Variants in ADAMTSL3 observed in about 807,000 individuals in gnomAD.
The protein encoded by ADAMTSL3 is ADAMTS like 3, also known as ADAMTS-like protein 3.
A neutral mutation model predicts 201.7 loss-of-function variants in ADAMTSL3; 128 were observed. The ratio of observed to expected loss-of-function variants is 0.63; its 90% CI spans 0.55 to 0.73. ADAMTSL3 has a LOEUF of 0.73. ADAMTSL3 is among the 30% of genes least tolerant of loss of function. ADAMTSL3 has a pLI of 0.00. For missense variants in ADAMTSL3, 1,990 were observed against 2,119.6 expected, an observed-to-expected ratio of 0.94 and a Z score of 1.20; for synonymous variants, 738 against 748.4, an observed-to-expected ratio of 0.99 and a Z score of 0.23.
At chr15:83,755,685 T>G (rs916665071) in intron 3 of ADAMTSL3, among the ~76,000 whole-genome samples, 9 of 152,242 alleles carry the variant, frequency 5.9e-5, no homozygotes, top group African/African-American at 2.2e-4. Flanking sequence ...TTGGGTTGTC[T>G]TCTCCTTTAG....
chr15:83,720,029 G>C (rs999455381), intron 3 of ADAMTSL3, among the ~76,000 whole-genome samples: 1 of 152,176 alleles, frequency 6.6e-6, no homozygotes, highest in Admixed American at 6.5e-5. Flanking sequence ...AGACCAGACT[G>C]ACCAACATGG....
intron 25 of ADAMTSL3, among the ~76,000 whole-genome samples, chr15:84,019,997 GC>G (rs2068168235): frequency 6.6e-6 from 1 of 152,014 alleles, no homozygotes; most frequent in African/African-American, 2.4e-5. Flanking sequence ...ACGAGTTGCT[GC>G]CTGGGAGGGG....
At chr15:83,996,780 CAAAAA>C (rs35758954) in intron 23 of ADAMTSL3, among the ~76,000 whole-genome samples, 175 of 33,834 alleles carry the variant, frequency 5.2e-3, no homozygotes, top group African/African-American at 0.022. Flanking sequence ...GACTCTGCCT[CAAAAA>C]AAAAAAAAAA....
chr15:83,983,360 A>G lies in ADAMTSL3; in HGVS notation c.3716+16A>G. 6.9e-7 allele frequency: 1 copy of G among 1,453,516 alleles called. No homozygotes were observed. The highest frequency in any genetic ancestry group is 9.1e-7 in the Non-Finnish European group (1 of 1,095,452). 90.0% of individuals were successfully genotyped at this position (1,453,516 alleles called of 1,614,324 possible). ...CCTCAGTAAAGTAAGTAAAATAAAAATGCAGTATTCATTTTTGCACTACCT... is the reference window on the plus strand; with the variant it reads ...CCTCAGTAAAGTAAGTAAAATAAAAGTGCAGTATTCATTTTTGCACTACCT... On this transcript the variant is annotated intron_variant, in intron 21 of 29. Transcript: ENST00000286744.
intron 4 of ADAMTSL3, among the ~76,000 whole-genome samples, chr15:83,794,165 T>C (rs1309219635): frequency 6.6e-6 from 1 of 152,192 alleles, no homozygotes; most frequent in African/African-American, 2.4e-5. Context: ...CAAGAAATAC[T>C]GGCAAGGATG....
At chr15:83,859,663 C>G (rs1596323334) in intron 8 of ADAMTSL3, among the ~76,000 whole-genome samples, 2 of 152,122 alleles carry the variant, frequency 1.3e-5, no homozygotes, top group African/African-American at 4.8e-5. Context: ...CAAGATTTTC[C>G]CTTATTTCCA....
intron 9 of ADAMTSL3, among the ~76,000 whole-genome samples, chr15:83,875,722 G>T (rs1307335820): frequency 6.6e-6 from 1 of 152,204 alleles, no homozygotes; most frequent in Non-Finnish European, 1.5e-5. Context: ...AGTGGAGGTT[G>T]CAGTGAGCCG....
chr15:83,669,395 C>T (rs1289643511), intron 2 of ADAMTSL3, among the ~76,000 whole-genome samples: 2 of 131,624 alleles, frequency 1.5e-5, no homozygotes, highest in Non-Finnish European at 3.0e-5. Flanking sequence ...CTGCCCGCAT[C>T]GGCCTCCCAA....
In ADAMTSL3 at chr15:84,037,670, A is replaced by G. The variant is rs759823901; in HGVS notation, c.4970-30A>G. 8.9e-6 allele frequency: 14 copies of G among 1,572,174 alleles called. No homozygotes were observed. In the Admixed American group the frequency reaches 1.2e-4, roughly 13 times the overall value. The stretch of plus-strand genomic sequence containing the variant: ...TTTAATTAGGTCTCTAATAAGCTAT[A>G]TGTTACAGATATTTGTTTCTTTTTT... On this transcript the variant is annotated intron_variant, in intron 29 of 29. Coordinates refer to ENST00000286744, the MANE Select transcript of ADAMTSL3 (RefSeq NM_207517.3).
intron 20 of ADAMTSL3, among the ~76,000 whole-genome samples, chr15:83,972,174 C>G (rs1489032576): frequency 1.3e-5 from 2 of 152,074 alleles, no homozygotes; most frequent in Admixed American, 1.3e-4. Context: ...CCTAAGGCTC[C>G]CTGGCTGCCA....
chr15:83,948,501 C>T (rs1202258312), intron 19 of ADAMTSL3, among the ~76,000 whole-genome samples: 1 of 151,928 alleles, frequency 6.6e-6, no homozygotes, highest in Admixed American at 6.6e-5. Context: ...TGGAAGTGCC[C>T]TCAAGAAGCT....
chr15:83,692,288 A>AT (rs59053726), intron 2 of ADAMTSL3, among the ~76,000 whole-genome samples: 29 of 149,708 alleles, frequency 1.9e-4, no homozygotes, highest in Admixed American at 1.1e-3. Flanking sequence ...ACCCCCAAGG[A>AT]TTTTTTTTTT....
chr15:83,895,599 C>T (rs2065597079), intron 13 of ADAMTSL3, among the ~76,000 whole-genome samples: 1 of 152,150 alleles, frequency 6.6e-6, no homozygotes, highest in Admixed American at 6.5e-5. Context: ...AGTTCTGGAA[C>T]CGTTGTAAAC....
intron 7 of ADAMTSL3, among the ~76,000 whole-genome samples, chr15:83,846,738 C>T (rs534120453): frequency 2.6e-5 from 4 of 152,310 alleles, no homozygotes; most frequent in South Asian, 4.1e-4. Flanking sequence ...CTTTGGTTAA[C>T]GCCTCTGCTT....
intron 6 of ADAMTSL3, among the ~76,000 whole-genome samples, chr15:83,820,616 T>G (rs928305315): frequency 3.3e-5 from 5 of 152,224 alleles, no homozygotes; most frequent in African/African-American, 1.2e-4. Context: ...AAATTAAGCT[T>G]TCTTATTAAA....
intron 7 of ADAMTSL3, among the ~76,000 whole-genome samples, chr15:83,842,684 A>G (rs990792403): frequency 6.6e-6 from 1 of 152,254 alleles, no homozygotes; most frequent in Non-Finnish European, 1.5e-5. Context: ...AAACGTTGAA[A>G]GTGTGAAAAC....
chr15:83,821,548 C>T (rs1404014360), intron 6 of ADAMTSL3, among the ~76,000 whole-genome samples: 2 of 151,076 alleles, frequency 1.3e-5, no homozygotes, highest in Non-Finnish European at 3.0e-5. Context: ...TCAGAGAGCA[C>T]AGGGTTGGGG....
intron 2 of ADAMTSL3, among the ~76,000 whole-genome samples, chr15:83,657,446 A>G (rs2061103516): frequency 6.6e-6 from 1 of 152,088 alleles, no homozygotes; most frequent in Admixed American, 6.5e-5. Flanking sequence ...CATTCACGCC[A>G]CTCACTGTTC....
intron 3 of ADAMTSL3, among the ~76,000 whole-genome samples, chr15:83,705,305 TGAG>T (rs1164759083): frequency 6.6e-6 from 1 of 151,792 alleles, no homozygotes; most frequent in African/African-American, 2.4e-5. Context: ...CAAGTGAAGG[TGAG>T]GAGCTGGGGC....
Sources: gnomAD v4.1 joint callset for allele counts (sites outside exome capture counted in the v4.1 genomes callset) on GRCh38, gnomAD v4.1.1 for gene constraint, MANE v1.5 for transcripts, NCBI Gene and HGNC (gene_info 2026-07-23, HGNC 2026-07-21) for gene names.